Variants in DPYSL2 observed in about 807,000 individuals in gnomAD.
DPYSL2 encodes dihydropyrimidinase-related protein 2.
A neutral mutation model predicts 69.9 loss-of-function variants in DPYSL2; 13 were observed. That is an observed-to-expected ratio of 0.19 (90% CI 0.12 to 0.30). The LOEUF is 0.30. DPYSL2 is among the 10% of genes least tolerant of loss of function. The pLI is 1.00. For synonymous variants in DPYSL2, 326 were observed against 359.1 expected, an observed-to-expected ratio of 0.91 and a Z score of 1.04; for missense variants, 587 against 918.9, an observed-to-expected ratio of 0.64 and a Z score of 4.67.
intron 7 of DPYSL2, among the ~76,000 whole-genome samples, chr8:26,632,774 G>A (rs1210630473): frequency 6.6e-6 from 1 of 152,224 alleles, no homozygotes; most frequent in Non-Finnish European, 1.5e-5. Flanking sequence ...CCCTGTCCCC[G>A]CCTGGTGCTG....
At chr8:26,531,857 T>G (rs914171530) in intron 1 of DPYSL2, among the ~76,000 whole-genome samples, 1 of 140,188 alleles carries the variant, frequency 7.1e-6, no homozygotes, top group Non-Finnish European at 1.6e-5. Flanking sequence ...GTGCCGGTCT[T>G]GGTGGGAGCA....
At position 26,647,493 on chromosome 8, in the gene DPYSL2, G is replaced by A. The variant is rs938827141; in HGVS notation, c.1426-137G>A. The A allele has an allele frequency of 5.6e-6, 5 of 895,908 alleles. No homozygotes were observed. The East Asian group carries it at 7.5e-5, about 13-fold the overall frequency. 55.5% of individuals were successfully genotyped at this position (895,908 alleles called of 1,614,324 possible). A position where few individuals can be genotyped will look rare whatever the true frequency, so the allele number is the denominator to read the frequency against. On this transcript the variant is annotated intron_variant, in intron 10 of 13. Coordinates refer to ENST00000521913, the MANE Select transcript of DPYSL2 (RefSeq NM_001197293.3). This position sits in a 1 kb window ranked among gnomAD's most constrained non-coding sequence, Gnocchi z 5.1. ...CATACAGTGTGTGACCTTTGAGACG[G>A]TTTGTGTTTCACTTGGCACAACGCT...
chr8:26,629,483 G>A (rs1021060657), intron 7 of DPYSL2, among the ~76,000 whole-genome samples: 3 of 152,218 alleles, frequency 2.0e-5, no homozygotes, highest in Non-Finnish European at 2.9e-5. Context: ...AATGGAAGCC[G>A]TGACATTTTC....
At position 26,656,300 on chromosome 8, in the gene DPYSL2, A is replaced by G. The variant is rs1179788548; in HGVS notation, c.*594A>G. On this transcript the variant is annotated 3_prime_UTR_variant, in exon 14 of 14. Coordinates refer to ENST00000521913, the MANE Select transcript of DPYSL2 (RefSeq NM_001197293.3). ...CCAGCTGATTCCGGGTGGTTGGCAA[A>G]CTCATCGTGTCTGTCCTGAGAGGCT... 1.3e-5 allele frequency: 2 copies of G among 152,096 alleles called. No individual in the cohort carries two copies. Among genetic ancestry groups the G allele is most frequent in the African/African-American group, 4.9e-5 (2 of 41,236 alleles). The allele number at this position is 152,096 out of a possible 1,614,324, so 9.4% of individuals were successfully genotyped here.
At chr8:26,651,568 A>G (rs1303440632) in intron 11 of DPYSL2, among the ~76,000 whole-genome samples, 4 of 152,218 alleles carry the variant, frequency 2.6e-5, no homozygotes, top group African/African-American at 7.2e-5. Flanking sequence ...CTCCTGTGCA[A>G]TGACTCCTGT....
Position 26,642,310 on chromosome 8 carries a change from C to G in DPYSL2, c.1127-1129C>G, listed in dbSNP as rs1287356051. The stretch of plus-strand genomic sequence containing the variant: ...GGATTCTCAGGTGAAGGGTGTGAGA[C>G]CCGAGTTGTGTTTTGGACGATGTTA... On this transcript the variant is annotated intron_variant, in intron 8 of 13. Transcript: ENST00000521913. This position sits in a 1 kb window ranked among gnomAD's most constrained non-coding sequence, Gnocchi z 5.3. Among the ~76,000 whole-genome samples the G allele has an allele frequency of 1.3e-5, 2 of 152,056 alleles. No homozygotes were observed. Among genetic ancestry groups the G allele is most frequent in the Non-Finnish European group, 2.9e-5 (2 of 68,010 alleles).
intron 3 of DPYSL2, among the ~76,000 whole-genome samples, chr8:26,584,783 C>G (rs1321770151): frequency 6.6e-6 from 1 of 152,004 alleles, no homozygotes; most frequent in African/African-American, 2.4e-5. Flanking sequence ...CCACGCTTGG[C>G]TAATTTTGTA....
At chr8:26,574,799 A>G (rs150462246) in intron 1 of DPYSL2, among the ~76,000 whole-genome samples, 5 of 152,336 alleles carry the variant, frequency 3.3e-5, no homozygotes, top group African/African-American at 1.2e-4. Flanking sequence ...GCTGGAGTGC[A>G]GTGGCACGAT....
intron 1 of DPYSL2, among the ~76,000 whole-genome samples, chr8:26,524,110 G>A (rs1317593170): frequency 6.6e-6 from 1 of 152,182 alleles, no homozygotes; most frequent in African/African-American, 2.4e-5. Flanking sequence ...TTTCCACAGT[G>A]GTTATACCAT....
chr8:26,574,510 A>G (rs1801295018), intron 1 of DPYSL2, among the ~76,000 whole-genome samples: 1 of 152,172 alleles, frequency 6.6e-6, no homozygotes, highest in African/African-American at 2.4e-5. Context: ...TAGTTACTGC[A>G]TCTGGCTCTT....
chr8:26,559,758 T>C (rs1585509239), intron 1 of DPYSL2, among the ~76,000 whole-genome samples: 1 of 152,340 alleles, frequency 6.6e-6, no homozygotes, highest in Non-Finnish European at 1.5e-5. Flanking sequence ...AAATTTTCTA[T>C]ATCATCAGCT....
chr8:26,540,632 A>C (rs893711197), intron 1 of DPYSL2, among the ~76,000 whole-genome samples: 1 of 152,212 alleles, frequency 6.6e-6, no homozygotes, highest in African/African-American at 2.4e-5. Context: ...TAGGCCAGGC[A>C]TGGTGGCTCA....
Position 26,643,733 on chromosome 8 carries a change from A to T in DPYSL2, c.1283+138A>T. ...TTGTTCACCAAACTAGGTTGGCTAC[A>T]TGAGTACAGGGAATTGTCATTCTAG... On this transcript the variant is annotated intron_variant, in intron 9 of 13. Transcript: ENST00000521913. This position sits in a 1 kb window ranked among gnomAD's most constrained non-coding sequence, Gnocchi z 6.5. The T allele has an allele frequency of 7.5e-7, 1 of 1,333,748 alleles. No individual in the cohort carries two copies. The allele number at this position is 1,333,748 out of a possible 1,614,324, so 82.6% of individuals were successfully genotyped here.
chr8:26,612,688 A>G (rs1040945272), intron 3 of DPYSL2, among the ~76,000 whole-genome samples: 4 of 152,222 alleles, frequency 2.6e-5, no homozygotes, highest in African/African-American at 9.7e-5. Context: ...CATTAGGTTA[A>G]GGTCAGTAGT....
chr8:26,616,040 A>T (rs1802339482), intron 3 of DPYSL2, among the ~76,000 whole-genome samples: 1 of 152,182 alleles, frequency 6.6e-6, no homozygotes, highest in Admixed American at 6.5e-5. Context: ...TCCCTCGTTT[A>T]CAACACCCTG....
At chr8:26,547,276 C>T (rs1800786824) in intron 1 of DPYSL2, among the ~76,000 whole-genome samples, 1 of 151,758 alleles carries the variant, frequency 6.6e-6, no homozygotes, top group Non-Finnish European at 1.5e-5. Context: ...GGCAAGAAAA[C>T]TGCTTGAACC....
chr8:26,542,996 T>A (rs1051291500), intron 1 of DPYSL2, among the ~76,000 whole-genome samples: 3 of 152,156 alleles, frequency 2.0e-5, no homozygotes, highest in African/African-American at 7.2e-5. Flanking sequence ...TGACACCAGC[T>A]CAATCTGTTA....
Position 26,529,616 on chromosome 8 carries a change from A to C in DPYSL2, c.354+14937A>C, listed in dbSNP as rs1167939169. On this transcript the variant is annotated intron_variant, in intron 1 of 13. Coordinates refer to ENST00000521913, the MANE Select transcript of DPYSL2 (RefSeq NM_001197293.3). The stretch of plus-strand genomic sequence containing the variant: ...ATAGGCATGAGCCACTGTGCTGCCT[A>C]TAATTTTTCTTTTAAAAACTTGATG... Among the ~76,000 whole-genome samples, 9 of 152,102 alleles carry C rather than the reference A, an allele frequency of 5.9e-5. No homozygotes were observed. In the South Asian group the frequency reaches 1.9e-3, roughly 32 times the overall value.
chr8:26,559,552 AT>A (rs1801041333), intron 1 of DPYSL2, among the ~76,000 whole-genome samples: 1 of 151,948 alleles, frequency 6.6e-6, no homozygotes, highest in Non-Finnish European at 1.5e-5. Context: ...AGTTAAACAT[AT>A]TTTCTTGTAT....
Sources: gnomAD v4.1 joint callset for allele counts (sites outside exome capture counted in the v4.1 genomes callset) on GRCh38, gnomAD v4.1.1 for gene constraint, Gnocchi (gnomAD v3.1) non-coding constraint, MANE v1.5 for transcripts, NCBI Gene and HGNC (gene_info 2026-07-23, HGNC 2026-07-21) for gene names.